Variants in FRMD3 observed in about 807,000 individuals in gnomAD.
FRMD3 encodes FERM domain-containing protein 3.
Under a neutral mutation model 70.2 loss-of-function variants are expected in FRMD3, and 33 were observed. That is an observed-to-expected ratio of 0.47 (90% CI 0.36 to 0.63). The LOEUF (loss-of-function observed/expected upper bound fraction) is 0.63. Among genes scored for constraint, FRMD3 ranks in the 20% least tolerant of loss-of-function variants. The pLI, the probability that FRMD3 is intolerant of heterozygous loss-of-function variation, is 0.00. For missense variants in FRMD3, 632 were observed against 711.4 expected (o/e 0.89, Z 1.27); for synonymous variants, 279 against 255.9 (o/e 1.09, Z -0.86).
chr9:83,281,499 A>T (rs1053942683), intron 13 of FRMD3: 6 of 152,152 alleles, frequency 3.9e-5, no homozygotes, highest in Admixed American at 1.3e-4. Context: ...CACCCTAGCC[A>T]AGTCCTTTGA....
intron 5 of FRMD3, among the ~76,000 whole-genome samples, chr9:83,338,670 T>C (rs565358323): frequency 1.3e-5 from 2 of 152,114 alleles, no homozygotes; most frequent in South Asian, 2.1e-4. Flanking sequence ...TTTAGAAGTA[T>C]AGACACAAAA....
intron 1 of FRMD3, among the ~76,000 whole-genome samples, chr9:83,479,450 AGGGAGGGAGG>A (rs1828482305): frequency 1.5e-5 from 1 of 66,598 alleles, no homozygotes; most frequent in Non-Finnish European, 2.9e-5. Context: ...GAAGGGAGGG[AGGGAGGGAGG>A]AAGGAAGGAA....
chr9:83,525,919 T>C (rs1330869176), intron 1 of FRMD3, among the ~76,000 whole-genome samples: 1 of 152,206 alleles, frequency 6.6e-6, no homozygotes, highest in African/African-American at 2.4e-5. Context: ...GGAAGACCTG[T>C]CATGGAAGTT....
chr9:83,391,474 T>C (rs568380966), intron 1 of FRMD3, among the ~76,000 whole-genome samples: 1 of 152,312 alleles, frequency 6.6e-6, no homozygotes, highest in East Asian at 1.9e-4. Flanking sequence ...TAGGATGTAC[T>C]ATAGGGAAGT....
At chr9:83,315,390 G>A (rs80326416) in intron 6 of FRMD3, among the ~76,000 whole-genome samples, 11,008 of 152,210 alleles carry the variant, frequency 0.072, 591 homozygotes, top group East Asian at 0.23. Flanking sequence ...CATGTGATAT[G>A]ATTTGGATTT....
intron 5 of FRMD3, among the ~76,000 whole-genome samples, chr9:83,338,901 C>T (rs1823665188): frequency 1.3e-5 from 2 of 152,180 alleles, no homozygotes; most frequent in African/African-American, 4.8e-5. Context: ...CACCTTTACA[C>T]ACATACACGC....
intron 1 of FRMD3, among the ~76,000 whole-genome samples, chr9:83,501,813 T>C (rs1054444560): frequency 6.6e-6 from 1 of 152,196 alleles, no homozygotes; most frequent in African/African-American, 2.4e-5. Flanking sequence ...AGTGCTCACA[T>C]GAAGAGATGC....
At chr9:83,293,229 T>C (rs1159653827) in intron 12 of FRMD3, among the ~76,000 whole-genome samples, 1 of 152,126 alleles carries the variant, frequency 6.6e-6, no homozygotes, top group Admixed American at 6.5e-5. Context: ...CAGTTTCTTC[T>C]TTTATTGTGA....
chr9:83,559,772 T>C, the FRMD3 span, among the ~76,000 whole-genome samples: 2 of 152,198 alleles, frequency 1.3e-5, no homozygotes, highest in African/African-American at 4.8e-5. Context: ...ACACTTTAAA[T>C]GATATTTCTA....
rs1287148948 is a variant in FRMD3 at position 83,246,066 on chromosome 9, T to A, written c.*1852A>T. The A allele has an allele frequency of 1.0e-6, 1 of 985,064 alleles. No individual in the cohort carries two copies. The highest frequency in any genetic ancestry group is 1.2e-6 in the Non-Finnish European group (1 of 829,896). 61.0% of individuals were successfully genotyped at this position (985,064 alleles called of 1,614,324 possible). A position where few individuals can be genotyped will look rare whatever the true frequency, so the allele number is the denominator to read the frequency against. On this transcript the variant is annotated 3_prime_UTR_variant, in exon 14 of 14. Coordinates refer to ENST00000304195, the MANE Select transcript of FRMD3 (RefSeq NM_174938.6). ...TCGACTGCAGGCTTCACGAACTGAG[T>A]TTCAAAACTCATTTCCAAAATTAAA...
chr9:83,485,520 G>A (rs1314202320), intron 1 of FRMD3, among the ~76,000 whole-genome samples: 1 of 152,192 alleles, frequency 6.6e-6, no homozygotes, highest in African/African-American at 2.4e-5. Context: ...CTGAACAAGA[G>A]ACACATCATG....
intron 13 of FRMD3, among the ~76,000 whole-genome samples, chr9:83,268,456 G>A (rs753736386): frequency 6.6e-6 from 1 of 152,184 alleles, no homozygotes; most frequent in African/African-American, 2.4e-5. Context: ...ATGTTCATCA[G>A]AGTATCATTT....
chr9:83,248,636 T>C (rs758978367), intron 13 of FRMD3, 120 bp from the exon 14 acceptor site: 21 of 1,082,304 alleles, frequency 1.9e-5, no homozygotes, highest in South Asian at 3.4e-5. Flanking sequence ...AATTATTCTG[T>C]GGTATCCTAA....
At chr9:83,524,970 GA>G (rs1829654882) in intron 1 of FRMD3, among the ~76,000 whole-genome samples, 1 of 152,140 alleles carries the variant, frequency 6.6e-6, no homozygotes. Context: ...AAACATCAAG[GA>G]AGAATTATTA....
At chr9:83,371,340 G>A (rs1042680995) in intron 3 of FRMD3, among the ~76,000 whole-genome samples, 1 of 150,034 alleles carries the variant, frequency 6.7e-6, no homozygotes, top group South Asian at 2.1e-4. Context: ...TTTTTTAAAC[G>A]GAGTCCTGGT....
chr9:83,248,566 C>A, intron 13 of FRMD3, 50 bp from the exon 14 acceptor site: 1 of 1,509,498 alleles, frequency 6.6e-7, no homozygotes, highest in Non-Finnish European at 8.8e-7. Context: ...GATTTTCCCA[C>A]AAAAATCTGC....
rs11140140 is a variant in FRMD3 at position 83,532,305 on chromosome 9, T to G, written c.147+5780A>C. 5.6e-3 allele frequency among the ~76,000 whole-genome samples: 854 copies of G among 152,280 alleles called. 13 individuals carry two copies. The highest frequency in any genetic ancestry group is 0.02 in the African/African-American group (817 of 41,536). Reference sequence around the variant, plus strand: ...CAACCACTTCATGCCACTGTGCCACTTGAACAAGCATAAAGTTTGTCTGCT... The same window carrying G: ...CAACCACTTCATGCCACTGTGCCACGTGAACAAGCATAAAGTTTGTCTGCT... On this transcript the variant is annotated intron_variant, in intron 1 of 13. Coordinates refer to ENST00000304195, the MANE Select transcript of FRMD3 (RefSeq NM_174938.6).
chr9:83,427,225 A>G (rs1826836666), intron 1 of FRMD3, among the ~76,000 whole-genome samples: 1 of 152,178 alleles, frequency 6.6e-6, no homozygotes, highest in Non-Finnish European at 1.5e-5. Context: ...GGGTGATTCC[A>G]CACATCAGGA....
chr9:83,468,825 T>C (rs886915415), intron 1 of FRMD3, among the ~76,000 whole-genome samples: 1 of 152,304 alleles, frequency 6.6e-6, no homozygotes. Flanking sequence ...CCTGGCAACA[T>C]GGGATCTGGG....
Sources: allele counts gnomAD v4.1 joint callset (sites outside exome capture counted in the v4.1 genomes callset), GRCh38; gene constraint gnomAD v4.1.1; transcripts MANE v1.5; gene names NCBI Gene and HGNC (gene_info 2026-07-23, HGNC 2026-07-21).